Variants in GPATCH2 observed in about 807,000 individuals in gnomAD.
GPATCH2 encodes the protein G-patch domain containing 2, also known as G patch domain-containing protein 2.
In GPATCH2, 51 loss-of-function variants were observed where a neutral mutation model predicts 58.0. The ratio of observed to expected loss-of-function variants is 0.88; its 90% confidence interval spans 0.70 to 1.11. GPATCH2 has a LOEUF of 1.11. GPATCH2 is among the 50% of genes most tolerant of loss of function. GPATCH2 has a pLI of 0.00. For missense variants in GPATCH2, 625 were observed against 652.2 expected (o/e 0.96, Z 0.45); for synonymous variants, 222 against 218.5 (o/e 1.02, Z -0.14).
At chr1:217,515,400 T>C (rs1276703711) in intron 5 of GPATCH2, among the ~76,000 whole-genome samples, 1 of 152,062 alleles carries the variant, frequency 6.6e-6, no homozygotes, top group African/African-American at 2.4e-5. Context: ...CCGACTCCTC[T>C]GCTAGATTTT....
intron 6 of GPATCH2, among the ~76,000 whole-genome samples, chr1:217,503,122 C>T (rs1662384891): frequency 1.3e-5 from 2 of 152,008 alleles, no homozygotes; most frequent in South Asian, 4.2e-4. Context: ...ATGTTCAGAG[C>T]AGCAAACAAC....
intron 2 of GPATCH2, among the ~76,000 whole-genome samples, chr1:217,618,221 CTTTT>C (rs34863823): frequency 3.2e-5 from 4 of 124,764 alleles, no homozygotes; most frequent in Non-Finnish European, 3.4e-5. Flanking sequence ...CCTCTGGAAA[CTTTT>C]TTTTTTTTTT....
intron 8 of GPATCH2, among the ~76,000 whole-genome samples, chr1:217,460,265 A>G (rs1400645168): frequency 6.6e-6 from 1 of 152,210 alleles, no homozygotes; most frequent in African/African-American, 2.4e-5. Context: ...CTTGACTCCA[A>G]GGAACTACTT....
At chr1:217,576,867 G>T (rs559407913) in intron 5 of GPATCH2, among the ~76,000 whole-genome samples, 2 of 152,200 alleles carry the variant, frequency 1.3e-5, no homozygotes, top group African/African-American at 4.8e-5. Context: ...TTGACAATGC[G>T]AAGGGGATAA....
intron 8 of GPATCH2, among the ~76,000 whole-genome samples, chr1:217,486,181 G>A (rs1396982424): frequency 6.6e-6 from 1 of 152,102 alleles, no homozygotes; most frequent in Non-Finnish European, 1.5e-5. Flanking sequence ...CTCCAGTTAT[G>A]CAGATCTTAA....
chr1:217,464,762 A>G (rs1486390424), intron 8 of GPATCH2, among the ~76,000 whole-genome samples: 6 of 152,206 alleles, frequency 3.9e-5, no homozygotes, highest in Non-Finnish European at 4.4e-5. Flanking sequence ...AACAGAAGAG[A>G]GAGGTATAAA....
chr1:217,566,985 A>G (rs937033471), intron 5 of GPATCH2, among the ~76,000 whole-genome samples: 1 of 152,042 alleles, frequency 6.6e-6, no homozygotes, highest in African/African-American at 2.4e-5. Context: ...TTAATAGTAA[A>G]AGGTTTTTTT....
At chr1:217,459,908 C>T (rs997753750) in intron 8 of GPATCH2, among the ~76,000 whole-genome samples, 1 of 152,046 alleles carries the variant, frequency 6.6e-6, no homozygotes, top group Non-Finnish European at 1.5e-5. Flanking sequence ...CTCTAAGTTC[C>T]GTTCTGAGGT....
At chr1:217,557,864 A>G (rs1665723121) in intron 5 of GPATCH2, among the ~76,000 whole-genome samples, 1 of 152,236 alleles carries the variant, frequency 6.6e-6, no homozygotes, top group Admixed American at 6.5e-5. Context: ...ACTTTTCAGT[A>G]CATGACCATC....
intron 5 of GPATCH2, among the ~76,000 whole-genome samples, chr1:217,586,931 A>G (rs1667367517): frequency 6.6e-6 from 1 of 152,210 alleles, no homozygotes; most frequent in Non-Finnish European, 1.5e-5. Flanking sequence ...AAAAACACAA[A>G]GCTATAAATA....
intron 1 of GPATCH2, among the ~76,000 whole-genome samples, chr1:217,628,540 A>C (rs1669570735): frequency 6.6e-6 from 1 of 152,068 alleles, no homozygotes; most frequent in South Asian, 2.1e-4. Context: ...AATTCAAAAA[A>C]ATGCACACCA....
intron 8 of GPATCH2, among the ~76,000 whole-genome samples, chr1:217,490,757 AT>A (rs1661688138): frequency 6.6e-6 from 1 of 152,126 alleles, no homozygotes; most frequent in Non-Finnish European, 1.5e-5. Context: ...ATATCTTACA[AT>A]TTTAGGATCT....
At chr1:217,551,605 A>G (rs2102670351) in intron 5 of GPATCH2, among the ~76,000 whole-genome samples, 1 of 152,312 alleles carries the variant, frequency 6.6e-6, no homozygotes, top group Non-Finnish European at 1.5e-5. Context: ...TGCCAGCCAC[A>G]TTAGCAATTT....
chr1:217,540,636 A>C (rs1664692365), intron 5 of GPATCH2, among the ~76,000 whole-genome samples: 1 of 152,224 alleles, frequency 6.6e-6, no homozygotes, highest in African/African-American at 2.4e-5. Flanking sequence ...TTAAAGGATC[A>C]ATTCTGAACC....
intron 5 of GPATCH2, among the ~76,000 whole-genome samples, chr1:217,590,107 G>A (rs1400423320): frequency 6.7e-6 from 1 of 149,150 alleles, no homozygotes; most frequent in Non-Finnish European, 1.5e-5. Context: ...TGAAACCTCC[G>A]CCCCCTGGGT....
intron 8 of GPATCH2, among the ~76,000 whole-genome samples, chr1:217,469,102 G>A (rs528244284): frequency 6.6e-6 from 1 of 152,180 alleles, no homozygotes; most frequent in East Asian, 1.9e-4. Context: ...AAATCATGGA[G>A]TCTGCATAGA....
At chr1:217,536,938 C>G (rs903668853) in intron 5 of GPATCH2, among the ~76,000 whole-genome samples, 8 of 152,186 alleles carry the variant, frequency 5.3e-5, no homozygotes, top group African/African-American at 1.9e-4. Context: ...TGCCACTGCA[C>G]TCCAGCCTGG....
chr1:217,505,756 T>C (rs571770098), intron 6 of GPATCH2, among the ~76,000 whole-genome samples: 4 of 152,230 alleles, frequency 2.6e-5, no homozygotes, highest in Non-Finnish European at 5.9e-5. Flanking sequence ...GATCTAAATC[T>C]GTGCTAATAT....
chr1:217,523,247 A>G (rs1663566435), intron 5 of GPATCH2, among the ~76,000 whole-genome samples: 1 of 151,548 alleles, frequency 6.6e-6, no homozygotes, highest in South Asian at 2.1e-4. Context: ...GTCACAGGAC[A>G]ATAGTGGAGG....
Sources: gnomAD v4.1 joint callset for allele counts (sites outside exome capture counted in the v4.1 genomes callset) on GRCh38, gnomAD v4.1.1 for gene constraint, MANE v1.5 for transcripts, NCBI Gene and HGNC (gene_info 2026-07-23, HGNC 2026-07-21) for gene names.